The following USP13 variants were observed in gnomAD, a reference collection of about 807,000 sequenced individuals.
USP13 encodes ubiquitin specific peptidase 13.
In USP13, 68 loss-of-function variants were observed where a neutral mutation model predicts 107.8. The ratio of observed to expected loss-of-function variants is 0.63; its 90% CI spans 0.52 to 0.77. The LOEUF (loss-of-function observed/expected upper bound fraction) is 0.77, where lower values mean the gene tolerates loss of function less well. Among genes scored for constraint, USP13 ranks in the 30% least tolerant of loss-of-function variants. The probability of loss-of-function intolerance (pLI) is 0.00; values close to 1 mark genes in which losing one functional copy is unlikely to be tolerated. For missense variants in USP13, 945 were observed against 1,093.3 expected (o/e 0.86, Z 1.91); for synonymous variants, 377 against 389.5 (o/e 0.97, Z 0.38).
At chr3:179,751,738 T>C (rs893700357) in intron 13 of USP13, among the ~76,000 whole-genome samples, 6 of 152,192 alleles carry the variant, frequency 3.9e-5, no homozygotes, top group African/African-American at 1.2e-4. Flanking sequence ...TTCTTTTTTT[T>C]TTTGAGATGG....
intron 13 of USP13, among the ~76,000 whole-genome samples, chr3:179,745,529 T>TCTTC (rs990399018): frequency 4.0e-5 from 6 of 148,704 alleles, no homozygotes; most frequent in African/African-American, 1.3e-4. Flanking sequence ...TTTCTTCCTT[T>TCTTC]CTTCCTTCCT....
chr3:179,715,333 G>A (rs1713073569), intron 6 of USP13, among the ~76,000 whole-genome samples: 1 of 150,670 alleles, frequency 6.6e-6, no homozygotes, highest in African/African-American at 2.4e-5. Flanking sequence ...GATCCTACAT[G>A]CTGGCCTCAT....
At chr3:179,727,842 G>C (rs1467902194) in intron 8 of USP13, among the ~76,000 whole-genome samples, 19 of 100,112 alleles carry the variant, frequency 1.9e-4, no homozygotes, top group Non-Finnish European at 4.3e-4. Context: ...TGGCCGGGCA[G>C]AGGGGCTCCT....
chr3:179,744,821 G>A (rs1034241876), intron 12 of USP13, among the ~76,000 whole-genome samples: 6 of 152,118 alleles, frequency 3.9e-5, no homozygotes, highest in Non-Finnish European at 7.4e-5. Context: ...GCAAAGGGGA[G>A]CATGCAAAAA....
intron 8 of USP13, among the ~76,000 whole-genome samples, chr3:179,729,943 A>T (rs948386098): frequency 4.6e-5 from 7 of 152,202 alleles, no homozygotes; most frequent in African/African-American, 1.7e-4. Context: ...GTTTTGATAT[A>T]TGTAAAAGAA....
At chr3:179,735,370 T>C (rs1171904532) in intron 10 of USP13, among the ~76,000 whole-genome samples, 2 of 152,078 alleles carry the variant, frequency 1.3e-5, no homozygotes, top group African/African-American at 2.4e-5. Flanking sequence ...GTTCTTATTT[T>C]GGATTTTTGG....
intron 18 of USP13, among the ~76,000 whole-genome samples, chr3:179,764,771 A>G (rs1715120159): frequency 6.6e-6 from 1 of 152,218 alleles, no homozygotes; most frequent in Admixed American, 6.5e-5. Context: ...CTTAAAAAAC[A>G]AAACAAAACC....
At chr3:179,680,850 T>C (rs572158144) in intron 1 of USP13, among the ~76,000 whole-genome samples, 7 of 144,316 alleles carry the variant, frequency 4.9e-5, no homozygotes, top group African/African-American at 1.3e-4. Flanking sequence ...GCTACATTGT[T>C]ATAGTTTATT....
rs1313476054 is a variant in USP13 at position 179,727,655 on chromosome 3, A to C, written c.1089-2534A>C. Among the ~76,000 whole-genome samples the C allele has an allele frequency of 3.6e-4, 29 of 80,502 alleles. 3 individuals are homozygous for C. The highest frequency in any genetic ancestry group is 5.9e-4 in the Non-Finnish European group (21 of 35,424). The allele number at this position is 80,502 out of a possible 152,430, so 52.8% of individuals were successfully genotyped here. On this transcript the variant is annotated intron_variant, in intron 8 of 20. Coordinates refer to ENST00000263966, the MANE Select transcript of USP13 (RefSeq NM_003940.3). Reference sequence around the variant, plus strand: ...ATTCCACAAAACCGCCATTGTCATCATGGCCCGTTCTCAATGAGCTGTTGG... The same window carrying C: ...ATTCCACAAAACCGCCATTGTCATCCTGGCCCGTTCTCAATGAGCTGTTGG...
chr3:179,724,473 A>G (rs886698805), intron 8 of USP13, among the ~76,000 whole-genome samples: 9 of 151,432 alleles, frequency 5.9e-5, no homozygotes, highest in Non-Finnish European at 1.0e-4. Flanking sequence ...AAAAAAAAAA[A>G]AAAGAAAGAA....
Position 179,730,673 on chromosome 3 carries a change from T to C in USP13, c.1218T>C (p.Ser406=), listed in dbSNP as rs1294512820. ...SGQYSKPPVK[S]ELIEQVMKEE... ...AGTATTCAAAGCCTCCGGTGAAATC[T>C]GAACTCATTGAACAGGTGATGAAGG... Residue 406 remains serine (S), a synonymous_variant, in exon 10 of 21, where the codon TCT becomes TCC. Coordinates refer to ENST00000263966, the MANE Select transcript of USP13 (RefSeq NM_003940.3). The C allele has an allele frequency of 6.2e-7, 1 of 1,614,056 alleles. No homozygotes were observed.
chr3:179,673,784 T>TAG (rs1720813629), intron 1 of USP13, among the ~76,000 whole-genome samples: 1 of 152,222 alleles, frequency 6.6e-6, no homozygotes, highest in Admixed American at 6.5e-5. Context: ...GAGACACTCT[T>TAG]AGACTTGGGC....
At chr3:179,744,660 T>C (rs772704870) in intron 12 of USP13, among the ~76,000 whole-genome samples, 3 of 152,200 alleles carry the variant, frequency 2.0e-5, no homozygotes, top group Admixed American at 6.5e-5. Context: ...AATACTCTGA[T>C]GCGAAGGCCT....
intron 2 of USP13, among the ~76,000 whole-genome samples, chr3:179,682,241 T>C (rs1711685430): frequency 1.0e-5 from 1 of 98,300 alleles, no homozygotes; most frequent in South Asian, 3.4e-4. Flanking sequence ...ATAGATTGAC[T>C]AATTGGAAAA....
intron 1 of USP13, among the ~76,000 whole-genome samples, chr3:179,669,835 C>G (rs1468001287): frequency 1.3e-5 from 2 of 152,060 alleles, no homozygotes; most frequent in Non-Finnish European, 2.9e-5. Flanking sequence ...TTTCTTGACC[C>G]CCCCCTCCAT....
intron 8 of USP13, among the ~76,000 whole-genome samples, chr3:179,728,310 C>A (rs1426533707): frequency 6.9e-6 from 1 of 145,248 alleles, no homozygotes; most frequent in Non-Finnish European, 1.5e-5. Context: ...TCAGACGGGG[C>A]GGCCGGGCAG....
chr3:179,758,623 C>A (rs747777987), intron 16 of USP13, among the ~76,000 whole-genome samples: 1 of 151,740 alleles, frequency 6.6e-6, no homozygotes, highest in Non-Finnish European at 1.5e-5. Context: ...CTCAGCCTCC[C>A]GAGTAGCTGG....
At chr3:179,735,418 T>C (rs1713962563) in intron 10 of USP13, among the ~76,000 whole-genome samples, 1 of 125,966 alleles carries the variant, frequency 7.9e-6, no homozygotes, top group African/African-American at 3.9e-5. Flanking sequence ...AGCCTGACCT[T>C]TTTTTTTTTT....
chr3:179,715,816 T>C (rs1164530603), intron 6 of USP13, among the ~76,000 whole-genome samples: 1 of 152,190 alleles, frequency 6.6e-6, no homozygotes, highest in East Asian at 1.9e-4. Context: ...GGAGAATCTC[T>C]CTTCATTTTC....
Sources: allele counts gnomAD v4.1 joint callset (sites outside exome capture counted in the v4.1 genomes callset), GRCh38; gene constraint gnomAD v4.1.1; transcripts MANE v1.5; gene names NCBI Gene and HGNC (gene_info 2026-07-23, HGNC 2026-07-21).